The following FN1 variants were observed in gnomAD, a reference collection of about 807,000 sequenced individuals.
The protein encoded by FN1 is fibronectin 1.
A neutral mutation model predicts 297.3 loss-of-function variants in FN1; 106 were observed. That is an observed-to-expected ratio of 0.36 (90% CI 0.30 to 0.42). The LOEUF (loss-of-function observed/expected upper bound fraction) is 0.42, where lower values mean the gene tolerates loss of function less well. Among genes scored for constraint, FN1 ranks in the 10% least tolerant of loss-of-function variants. FN1 has a pLI of 1.00. For synonymous variants in FN1, 1,149 were observed against 1,152.6 expected (o/e 1.00, Z 0.06); for missense variants, 2,690 against 3,124.9 (o/e 0.86, Z 3.32).
In FN1 at chr2:215,406,273, C is replaced by T; in HGVS notation, c.2951G>A (p.Arg984Lys). The T allele has an allele frequency of 1.9e-6, 3 of 1,614,170 alleles. No homozygotes were observed. Among genetic ancestry groups the T allele is most frequent in the Non-Finnish European group, 2.5e-6 (3 of 1,180,010 alleles). Residue 984 changes from arginine (R) to lysine (K), a missense_variant, in exon 19 of 46, where the codon AGG (arginine) becomes AAG (lysine). Around this residue, in one of 3 missense-constraint regions of FN1, gnomAD observed 1,743 missense variants for 1,945.2 expected, o/e 0.90. Transcript: ENST00000354785. ...YFKVFAVSHGRESKPLTAQQT... is the reference protein window; with the variant it reads ...YFKVFAVSHGKESKPLTAQQT... The stretch of plus-strand genomic sequence containing the variant: ...TTGAGCAGTCAGAGGCTTGCTCTCC[C>T]TCCCATGGCTCACTGCAAAGACTTT...
At chr2:215,388,115 A>C in intron 27 of FN1, 97 bp downstream of exon 27, 1 of 917,624 alleles carries the variant, frequency 1.1e-6, no homozygotes, top group Non-Finnish European at 1.8e-6. Flanking sequence ...CCATGACAAC[A>C]AAAAATGGAG....
At chr2:215,388,049 CTT>C (rs1024473329) in intron 27 of FN1, among the ~76,000 whole-genome samples, 161 bp downstream of exon 27, 4 of 152,184 alleles carry the variant, frequency 2.6e-5, no homozygotes, top group African/African-American at 7.2e-5. Flanking sequence ...AGTAAGGTAT[CTT>C]TTAGTTTTTG....
rs1430357235 is a variant in FN1, at chr2:215,431,811, C to A, written c.547+22G>T. 3.1e-6 allele frequency: 5 copies of A among 1,613,644 alleles called. No homozygotes were observed. The South Asian group carries it at 5.5e-5, about 18-fold the overall frequency. On this transcript the variant is annotated intron_variant, in intron 4 of 45. Coordinates refer to ENST00000354785, the MANE Select transcript of FN1 (RefSeq NM_212482.4). Reference sequence around the variant, plus strand: ...TTAGAACTAAGCATCCCAGCTCTTGCTCAGCCCTAAGACTCACACACCTAT... The same window carrying A: ...TTAGAACTAAGCATCCCAGCTCTTGATCAGCCCTAAGACTCACACACCTAT...
intron 15 of FN1, among the ~76,000 whole-genome samples, chr2:215,409,075 GAGAT>G (rs2062194675): frequency 6.6e-6 from 1 of 152,156 alleles, no homozygotes; most frequent in Admixed American, 6.5e-5. Context: ...TGAGGGTAGA[GAGAT>G]ATTCTTTTCC....
At position 215,382,234 on chromosome 2, in the gene FN1, A is replaced by AG; in HGVS notation, c.5141dup (p.Leu1715SerfsTer10). ...TACTGGTTACTGCAGTCTGAACCAG[A>AG]GGCTGACTCTCTCCGCTTGGATTCT... On this transcript the variant is annotated frameshift_variant, in exon 32 of 46. Coordinates refer to ENST00000354785, the MANE Select transcript of FN1 (RefSeq NM_212482.4). LOFTEE classifies it high-confidence loss of function. The AG allele has an allele frequency of 6.2e-7, 1 of 1,613,396 alleles. No individual in the cohort carries two copies.
intron 13 of FN1, 65 bp downstream of exon 13, chr2:215,414,772 A>G (rs755433380): frequency 6.2e-7 from 1 of 1,602,034 alleles, no homozygotes; most frequent in South Asian, 1.1e-5. Context: ...TGGGAAAAAA[A>G]GAAACCATCA....
intron 9 of FN1, among the ~76,000 whole-genome samples, 162 bp downstream of exon 9, chr2:215,423,180 TCACACACA>T (rs9288509): frequency 6.0e-5 from 9 of 148,872 alleles, no homozygotes; most frequent in East Asian, 5.9e-4. Context: ...TGATGTAACA[TCACACACA>T]CACACACACA....
intron 13 of FN1, among the ~76,000 whole-genome samples, chr2:215,411,940 T>C (rs1260992917): frequency 1.3e-5 from 2 of 152,170 alleles, no homozygotes; most frequent in Admixed American, 1.3e-4. Context: ...GTGCTGGGAT[T>C]ACAGGCGTGA....
At chr2:215,403,556 A>C (rs1467623673) in intron 20 of FN1, among the ~76,000 whole-genome samples, 1 of 152,212 alleles carries the variant, frequency 6.6e-6, no homozygotes, top group Non-Finnish European at 1.5e-5. Flanking sequence ...GTTGAAAATA[A>C]CAAATGATGT....
intron 27 of FN1, among the ~76,000 whole-genome samples, 156 bp downstream of exon 27, chr2:215,388,056 T>A (rs930641954): frequency 1.3e-5 from 2 of 152,198 alleles, no homozygotes; most frequent in Admixed American, 1.3e-4. Context: ...TATCTTTTAG[T>A]TTTTGAGACC....
chr2:215,433,613 T>A, intron 2 of FN1, 152 bp from the exon 3 acceptor site: 1 of 807,386 alleles, frequency 1.2e-6, no homozygotes, highest in East Asian at 2.7e-5. Flanking sequence ...CAGATTTTTA[T>A]CCTAAGCTCT....
intron 35 of FN1, among the ~76,000 whole-genome samples, chr2:215,377,280 G>A (rs998849210): frequency 6.6e-6 from 1 of 152,136 alleles, no homozygotes; most frequent in Non-Finnish European, 1.5e-5. Flanking sequence ...AATGGTTACT[G>A]TGCTGTGATA....
At position 215,380,315 on chromosome 2, in the gene FN1, C is replaced by T. The variant is rs186156678; in HGVS notation, c.5434+496G>A. 679 of 171,370 alleles carry T rather than the reference C, an allele frequency of 4.0e-3. 4 individuals carry two copies. The highest frequency in any genetic ancestry group is 7.4e-3 in the Non-Finnish European group (586 of 78,994). The allele number at this position is 171,370 out of a possible 1,614,324, so 10.6% of individuals were successfully genotyped here. ...ATAAAGTATTATGGAAAGCAATTGC[C>T]CTATTGATTATTTCCTAGGTGTCTA... On this transcript the variant is annotated intron_variant, in intron 33 of 45. Transcript: ENST00000354785.
chr2:215,432,081 T>C, intron 3 of FN1, 117 bp from the exon 4 acceptor site: 1 of 1,198,388 alleles, frequency 8.3e-7, no homozygotes. Context: ...AGACAACAGC[T>C]TTCCCATCAG....
intron 6 of FN1, among the ~76,000 whole-genome samples, chr2:215,426,334 G>A (rs2106466282): frequency 6.6e-6 from 1 of 151,990 alleles, no homozygotes; most frequent in African/African-American, 2.4e-5. Context: ...ATTTTTAGTA[G>A]AGACGGGGTT....
chr2:215,395,551 A>C (rs1237593059), intron 23 of FN1, among the ~76,000 whole-genome samples: 2 of 147,100 alleles, frequency 1.4e-5, no homozygotes, highest in South Asian at 2.2e-4. Flanking sequence ...AAAAAAAAAA[A>C]CAAAACAAAC....
chr2:215,403,513 T>C (rs2061395062), intron 20 of FN1, among the ~76,000 whole-genome samples: 1 of 152,196 alleles, frequency 6.6e-6, no homozygotes, highest in Non-Finnish European at 1.5e-5. Context: ...AAAAAGTACT[T>C]ATGTTAGGTG....
chr2:215,373,479 C>T (rs1321181825), intron 38 of FN1, 68 bp from the exon 39 acceptor site: 2 of 1,277,260 alleles, frequency 1.6e-6, no homozygotes, highest in Non-Finnish European at 1.1e-6. Flanking sequence ...GTCGGTCTCA[C>T]CAGCAGACGC....
chr2:215,389,224 C>T (rs949573034), intron 26 of FN1, among the ~76,000 whole-genome samples: 1 of 152,106 alleles, frequency 6.6e-6, no homozygotes, highest in African/African-American at 2.4e-5. Context: ...CTGCCTCAGA[C>T]TCCTGAGTAG....
Sources: allele counts gnomAD v4.1 joint callset (sites outside exome capture counted in the v4.1 genomes callset), GRCh38; gene constraint gnomAD v4.1.1; regional missense constraint gnomAD v4.1.1; transcripts MANE v1.5; gene names NCBI Gene and HGNC (gene_info 2026-07-23, HGNC 2026-07-21).